Variants in ARHGAP22 observed in about 807,000 individuals in gnomAD.
The protein encoded by ARHGAP22 is rho GTPase-activating protein 22.
Under a neutral mutation model 59.1 loss-of-function variants are expected in ARHGAP22, and 48 were observed. The observed-to-expected ratio is 0.81, with a 90% CI of 0.64 to 1.03. The LOEUF (loss-of-function observed/expected upper bound fraction) is 1.03. Among genes scored for constraint, ARHGAP22 ranks in the 50% least tolerant of loss-of-function variants. ARHGAP22 has a pLI of 0.00. For synonymous variants in ARHGAP22, 445 were observed against 416.4 expected, an observed-to-expected ratio of 1.07 and a Z score of -0.84; for missense variants, 1,015 against 958.7, an observed-to-expected ratio of 1.06 and a Z score of -0.78.
the ARHGAP22 span, among the ~76,000 whole-genome samples, chr10:48,439,982 T>A: frequency 2.0e-5 from 3 of 152,320 alleles, no homozygotes; most frequent in East Asian, 3.9e-4. Context: ...GCTGAGCTGT[T>A]TCATCACCGT....
chr10:48,566,220 T>C (rs1282363348), intron 2 of ARHGAP22, among the ~76,000 whole-genome samples: 2 of 152,208 alleles, frequency 1.3e-5, no homozygotes, highest in African/African-American at 4.8e-5. Context: ...AGGCATGTTT[T>C]AGAAAGCAAT....
intron 1 of ARHGAP22, among the ~76,000 whole-genome samples, chr10:48,614,355 G>A (rs2061002832): frequency 6.6e-6 from 1 of 152,216 alleles, no homozygotes. Flanking sequence ...TAGATTCATT[G>A]TAGGAGTGGA....
intron 3 of ARHGAP22, among the ~76,000 whole-genome samples, chr10:48,516,176 A>C (rs982169805): frequency 1.3e-5 from 2 of 152,222 alleles, no homozygotes; most frequent in Non-Finnish European, 2.9e-5. Flanking sequence ...GGAATGACAT[A>C]GGGAACATCA....
At chr10:48,611,123 G>A (rs1011872217) in intron 1 of ARHGAP22, among the ~76,000 whole-genome samples, 6 of 152,218 alleles carry the variant, frequency 3.9e-5, no homozygotes, top group African/African-American at 1.2e-4. Context: ...TTATTCAGCT[G>A]TAAAGTCTGT....
chr10:48,646,701 T>G (rs570936494), intron 1 of ARHGAP22, among the ~76,000 whole-genome samples: 1 of 152,298 alleles, frequency 6.6e-6, no homozygotes, highest in Non-Finnish European at 1.5e-5. Flanking sequence ...AACAACCCTT[T>G]GACTGTACCT....
intron 4 of ARHGAP22, among the ~76,000 whole-genome samples, chr10:48,471,232 G>A (rs955475344): frequency 5.3e-5 from 8 of 152,120 alleles, no homozygotes; most frequent in East Asian, 3.9e-4. Context: ...GTGCAGTTCC[G>A]ATGATGACCA....
downstream of ARHGAP22, among the ~76,000 whole-genome samples, chr10:48,441,643 A>G (rs545353625): frequency 1.3e-5 from 2 of 152,082 alleles, no homozygotes; most frequent in African/African-American, 4.8e-5. Flanking sequence ...TAGTAGAGAC[A>G]GGGTTTCACC....
downstream of ARHGAP22, among the ~76,000 whole-genome samples, chr10:48,442,033 G>A (rs945391306): frequency 2.6e-5 from 4 of 152,216 alleles, no homozygotes; most frequent in Non-Finnish European, 4.4e-5. Flanking sequence ...CTAATGACTA[G>A]AGCGTATCCT....
chr10:48,567,175 G>T (rs1385478466), intron 2 of ARHGAP22, among the ~76,000 whole-genome samples: 5 of 152,208 alleles, frequency 3.3e-5, no homozygotes, highest in Non-Finnish European at 7.3e-5. Context: ...CACTCCTGGG[G>T]TCTACCCCTT....
At chr10:48,475,941 G>A (rs1172938453) in intron 4 of ARHGAP22, among the ~76,000 whole-genome samples, 1 of 152,132 alleles carries the variant, frequency 6.6e-6, no homozygotes, top group South Asian at 2.1e-4. Flanking sequence ...CTGTTCTTCC[G>A]GGATGGGCCC....
chr10:48,648,745 G>A (rs944632821), intron 1 of ARHGAP22, among the ~76,000 whole-genome samples: 5 of 152,200 alleles, frequency 3.3e-5, no homozygotes, highest in African/African-American at 9.7e-5. Context: ...CAGGGAGGCC[G>A]GCACTGCTGG....
At chr10:48,527,062 G>A (rs945527288) in intron 3 of ARHGAP22, among the ~76,000 whole-genome samples, 10 of 152,196 alleles carry the variant, frequency 6.6e-5, no homozygotes, top group Non-Finnish European at 1.3e-4. Context: ...CAGGACAACC[G>A]CATGAAGCAG....
rs139683057 is a variant in ARHGAP22 at position 48,574,154 on chromosome 10, G to C, written c.234+8799C>G. Among the ~76,000 whole-genome samples, 1,306 of 152,302 alleles carry C rather than the reference G, an allele frequency of 8.6e-3. 11 individuals carry two copies. Among genetic ancestry groups the C allele is most frequent in the South Asian group, 0.017 (81 of 4,816 alleles). ...GCCAATTCTCAGGCACTTTACAAAA[G>C]CAATAAATTATTTTTCCATTGAGGA... is the stretch of plus-strand genomic sequence containing the variant. On this transcript the variant is annotated intron_variant, in intron 2 of 9. Transcript: ENST00000249601.
intron 1 of ARHGAP22, among the ~76,000 whole-genome samples, chr10:48,590,130 G>A (rs1159551613): frequency 6.6e-6 from 1 of 152,032 alleles, no homozygotes; most frequent in Non-Finnish European, 1.5e-5. Context: ...AGAGAGGGTA[G>A]GGGTGACAGG....
chr10:48,584,913 G>C (rs577447026), intron 1 of ARHGAP22, among the ~76,000 whole-genome samples: 1 of 151,292 alleles, frequency 6.6e-6, no homozygotes, highest in African/African-American at 2.4e-5. Context: ...AGAATGGCCT[G>C]AATCCGGGAG....
rs113623694 is a variant in ARHGAP22 at position 48,539,352 on chromosome 10, C to A, written c.322+16111G>T. ...TGTCGCCCAGGCTGGAGTGCAGTGG[C>A]GCGATCTCGGCTCACTGCAAGCTCC... On this transcript the variant is annotated intron_variant, in intron 3 of 9. Transcript: ENST00000249601. 1.0e-3 allele frequency among the ~76,000 whole-genome samples: 135 copies of A among 133,626 alleles called. 1 individual carries two copies. Among genetic ancestry groups the A allele is most frequent in the African/African-American group, 3.7e-3 (128 of 34,384 alleles). 87.7% of individuals were successfully genotyped at this position (133,626 alleles called of 152,430 possible). A position where few individuals can be genotyped will look rare whatever the true frequency, so the allele number is the denominator to read the frequency against.
chr10:48,549,765 A>C (rs1482501278), intron 3 of ARHGAP22, among the ~76,000 whole-genome samples: 1 of 152,160 alleles, frequency 6.6e-6, no homozygotes, highest in Non-Finnish European at 1.5e-5. Context: ...CCTCTCACTC[A>C]GTCCGCTTGT....
rs77688287 is a variant in ARHGAP22 at position 48,639,981 on chromosome 10, G to A, written c.52+12253C>T. ...ATGATTGAAGAATTACAGGGACATAGGACAATAATAAATCAATAAATAGAG... is the reference window on the plus strand; with the variant it reads ...ATGATTGAAGAATTACAGGGACATAAGACAATAATAAATCAATAAATAGAG... On this transcript the variant is annotated intron_variant, in intron 1 of 9. Coordinates refer to the ARHGAP22 transcript ENST00000435790. Among the ~76,000 whole-genome samples the A allele has an allele frequency of 3.4e-4, 51 of 152,120 alleles. No homozygotes were observed. In the East Asian group the frequency reaches 4.6e-3, roughly 14 times the overall value.
At chr10:48,462,979 AGTGG>A (rs1393385295) in intron 4 of ARHGAP22, among the ~76,000 whole-genome samples, 3 of 152,224 alleles carry the variant, frequency 2.0e-5, no homozygotes, top group Admixed American at 6.5e-5. Context: ...GATGCCTAAC[AGTGG>A]GCCACACAGG....
Sources: gnomAD v4.1 joint callset for allele counts (sites outside exome capture counted in the v4.1 genomes callset) on GRCh38, gnomAD v4.1.1 for gene constraint, MANE v1.5 for transcripts, NCBI Gene and HGNC (gene_info 2026-07-23, HGNC 2026-07-21) for gene names.